ZNF417: variants seen among roughly 807,000 people sequenced by gnomAD.
ZNF417 encodes zinc finger protein 417.
A neutral mutation model predicts 7.4 loss-of-function variants in ZNF417; 5 were observed. That is an observed-to-expected ratio of 0.68 (90% confidence interval 0.35 to 1.43). The LOEUF is 1.43. Among genes scored for constraint, ZNF417 ranks in the 40% most tolerant of loss-of-function variants. ZNF417 has a pLI of 0.04. For synonymous variants in ZNF417, 147 were observed against 239.1 expected, an observed-to-expected ratio of 0.61 and a Z score of 3.55; for missense variants, 437 against 697.3, an observed-to-expected ratio of 0.63 and a Z score of 4.20.
At chr19:57,915,780 G>T in intron 1 of ZNF417, 1 of 411,634 alleles carries the variant, frequency 2.4e-6, no homozygotes. Flanking sequence ...ACCGTTTAGG[G>T]GTCATGCAGC....
intron 2 of ZNF417, among the ~76,000 whole-genome samples, chr19:57,911,060 T>C (rs1353919259): frequency 6.6e-6 from 1 of 151,960 alleles, no homozygotes; most frequent in African/African-American, 2.4e-5. Context: ...AATATAAATA[T>C]AGAAGCATAT....
chr19:57,908,410 A>T lies in ZNF417; in HGVS notation c.*140T>A. 3.4e-6 allele frequency: 5 copies of T among 1,467,420 alleles called. No homozygotes were observed. The highest frequency in any genetic ancestry group is 4.7e-6 in the Non-Finnish European group (5 of 1,073,606). 90.9% of individuals were successfully genotyped at this position (1,467,420 alleles called of 1,614,324 possible). On this transcript the variant is annotated 3_prime_UTR_variant, in exon 3 of 3. Coordinates refer to ENST00000312026, the MANE Select transcript of ZNF417 (RefSeq NM_152475.3). Reference sequence around the variant, plus strand: ...CAGAATGAGACTCCGTTCCAATGCGAAGTCTCTTAAGACCAAGGAGAGCAG... The same window carrying T: ...CAGAATGAGACTCCGTTCCAATGCGTAGTCTCTTAAGACCAAGGAGAGCAG...
At chr19:57,912,672 G>A (rs546462059) in intron 1 of ZNF417, among the ~76,000 whole-genome samples, 1 of 152,212 alleles carries the variant, frequency 6.6e-6, no homozygotes, top group African/African-American at 2.4e-5. Context: ...GCAGTGGCAT[G>A]ATCTTGGCTC....
chr19:57,916,373 A>C lies in ZNF417; in HGVS notation c.33+6T>G. Reference sequence around the variant, plus strand: ...GACCTGAGGGCACAGAAGGCGCCACAATTACCTGAGTCGGGCGCCTCGGCG... The same window carrying C: ...GACCTGAGGGCACAGAAGGCGCCACCATTACCTGAGTCGGGCGCCTCGGCG... On this transcript the variant is annotated splice_donor_region_variant and intron_variant, in intron 1 of 2. Transcript: ENST00000312026. The C allele has an allele frequency of 1.9e-6, 3 of 1,614,198 alleles. No individual in the cohort carries two copies. The highest frequency in any genetic ancestry group is 1.1e-5 in the South Asian group (1 of 91,082).
chr19:57,911,109 G>A (rs1312456540), intron 2 of ZNF417, among the ~76,000 whole-genome samples: 1 of 152,174 alleles, frequency 6.6e-6, no homozygotes, highest in Non-Finnish European at 1.5e-5. Flanking sequence ...ACAGCAGAGG[G>A]TGGTCATGGA....
chr19:57,916,590 A>G lies in ZNF417; in HGVS notation c.-179T>C. ...CCCGCGTCACCGATACACAGCCGCT[A>G]CTAGAGACCCCGGAAGTCTCAGCCT... On this transcript the variant is annotated 5_prime_UTR_variant, in exon 1 of 3. Transcript: ENST00000312026. 6.9e-7 allele frequency: 1 copy of G among 1,459,684 alleles called. No individual in the cohort carries two copies. Among genetic ancestry groups the G allele is most frequent in the Non-Finnish European group, 9.0e-7 (1 of 1,109,590 alleles). The allele number at this position is 1,459,684 out of a possible 1,614,324, so 90.4% of individuals were successfully genotyped here.
chr19:57,907,977 G>A lies in ZNF417; in HGVS notation c.*573C>T, dbSNP rs931667480. 1.9e-5 allele frequency: 3 copies of A among 160,182 alleles called. No homozygotes were observed. Among genetic ancestry groups the A allele is most frequent in the African/African-American group, 7.2e-5 (3 of 41,472 alleles). 9.9% of individuals were successfully genotyped at this position (160,182 alleles called of 1,614,324 possible). On this transcript the variant is annotated 3_prime_UTR_variant, in exon 3 of 3. Transcript: ENST00000312026. ...GAGGACTCGGAGCTCTGAGGTAATT[G>A]GAGCTCATGGCTATCCCAGAACTTG...
At position 57,908,386 on chromosome 19, in the gene ZNF417, A is replaced by G; in HGVS notation, c.*164T>C. The G allele has an allele frequency of 7.5e-7, 1 of 1,338,326 alleles. No homozygotes were observed. Among genetic ancestry groups the G allele is most frequent in the Non-Finnish European group, 1.0e-6 (1 of 972,898 alleles). The allele number at this position is 1,338,326 out of a possible 1,614,324, so 82.9% of individuals were successfully genotyped here. ...ACCACTGCACTCCAGCCTGGGTGAC[A>G]GAATGAGACTCCGTTCCAATGCGAA... On this transcript the variant is annotated 3_prime_UTR_variant, in exon 3 of 3. Transcript: ENST00000312026.
Position 57,908,306 on chromosome 19 carries a change from A to T in ZNF417, c.*244T>A. ...GTAATCTCAGCTCCTTGGGAGGCTGAGGTAGGAGAATCACTTGAACCTGGG... is the reference window on the plus strand; with the variant it reads ...GTAATCTCAGCTCCTTGGGAGGCTGTGGTAGGAGAATCACTTGAACCTGGG... On this transcript the variant is annotated 3_prime_UTR_variant, in exon 3 of 3. Transcript: ENST00000312026. 1.6e-6 allele frequency: 1 copy of T among 609,316 alleles called. No individual in the cohort carries two copies. Among genetic ancestry groups the T allele is most frequent in the Non-Finnish European group, 2.8e-6 (1 of 357,610 alleles). 37.7% of individuals were successfully genotyped at this position (609,316 alleles called of 1,614,324 possible).
At position 57,909,214 on chromosome 19, in the gene ZNF417, CCA is replaced by C. The variant is rs1600147448; in HGVS notation, c.1062_1063del (p.Cys354TrpfsTer15). 6.2e-7 allele frequency: 1 copy of C among 1,613,676 alleles called. No individual in the cohort carries two copies. The highest frequency in any genetic ancestry group is 8.5e-7 in the Non-Finnish European group (1 of 1,179,944). ...CTGACGAAAAGATTTCCCACATTCCCCACAGTGATAAGCTCTCTCTCCAGTGT... is the reference window on the plus strand; with the variant it reads ...CTGACGAAAAGATTTCCCACATTCCCCAGTGATAAGCTCTCTCTCCAGTGT... On this transcript the variant is annotated frameshift_variant, in exon 3 of 3. Transcript: ENST00000312026. LOFTEE classifies it low-confidence loss of function (END_TRUNC).
intron 2 of ZNF417, among the ~76,000 whole-genome samples, chr19:57,910,453 G>A (rs527632502): frequency 6.6e-6 from 1 of 152,218 alleles, no homozygotes; most frequent in South Asian, 2.1e-4. Context: ...GGCTGAGGCA[G>A]GAGAATCATT....
At chr19:57,915,893 G>A (rs1279146859) in intron 1 of ZNF417, among the ~76,000 whole-genome samples, 3 of 152,116 alleles carry the variant, frequency 2.0e-5, no homozygotes, top group African/African-American at 7.2e-5. Context: ...ATCCTGCACT[G>A]GATGGATCAG....
rs562531215 is a variant in ZNF417 at position 57,908,621 on chromosome 19, A to G, written c.1657T>C (p.Cys553Arg). 2 of 1,613,992 alleles carry G rather than the reference A, an allele frequency of 1.2e-6. No homozygotes were observed. Among genetic ancestry groups the G allele is most frequent in the African/African-American group, 2.7e-5 (2 of 74,988 alleles). ...GAGCTTCGCTGAAATGTTTTTCCAC[A>G]TTTGGTACATTCATAAGGCCTTTCT... ...TGERPYECTKCGKTFQRSSTL... is the reference protein window; with the variant it reads ...TGERPYECTKRGKTFQRSSTL... The change falls in exon 3 of 3, where the codon TGT (cysteine) becomes CGT (arginine). Residue 553 changes from cysteine (C) to arginine (R), a missense_variant. Around this residue, in one of 5 missense-constraint regions of ZNF417, gnomAD observed 233 missense variants for 235.5 expected, o/e 0.99. Transcript: ENST00000312026.
rs773966112 is a variant in ZNF417 at position 57,909,139 on chromosome 19, T to C, written c.1139A>G (p.Tyr380Cys). The change falls in exon 3 of 3, where the codon TAC becomes TGC. Residue 380 changes from tyrosine to cysteine, a missense_variant. Physicochemically the swap from Tyr to Cys is radical, Grantham distance 194. Around this residue, in one of 5 missense-constraint regions of ZNF417, gnomAD observed 233 missense variants for 235.5 expected, o/e 0.99. Transcript: ENST00000312026. The stretch of plus-strand genomic sequence containing the variant: ...AGATTTTCCACATTCTCCACACTTG[T>C]AAGGCCTTTCTCCAGTGTGAACACG... ...HQRVHTGERP[Y>C]KCGECGKSFG... is the part of the protein sequence containing the mutation. 6.2e-7 allele frequency: 1 copy of C among 1,614,228 alleles called. No homozygotes were observed. The highest frequency in any genetic ancestry group is 1.7e-5 in the Admixed American group (1 of 60,034).
At chr19:57,911,026 C>G (rs564353390) in intron 2 of ZNF417, among the ~76,000 whole-genome samples, 4 of 152,160 alleles carry the variant, frequency 2.6e-5, no homozygotes, top group African/African-American at 9.7e-5. Context: ...GCTTGGGCAA[C>G]AAGAGCGAAA....
chr19:57,915,604 T>C, intron 1 of ZNF417: 2 of 382,278 alleles, frequency 5.2e-6, no homozygotes, highest in Admixed American at 4.0e-5. Flanking sequence ...TCAGCTGTCC[T>C]TGTTCATTCC....
At chr19:57,915,521 C>T in intron 1 of ZNF417, 1 of 464,068 alleles carries the variant, frequency 2.2e-6, no homozygotes, top group South Asian at 2.0e-5. Context: ...ACCGTCTTTG[C>T]AAAATTATAA....
intron 1 of ZNF417, among the ~76,000 whole-genome samples, chr19:57,913,954 G>T (rs927297616): frequency 1.3e-5 from 2 of 152,116 alleles, no homozygotes; most frequent in Non-Finnish European, 2.9e-5. Flanking sequence ...GATGTCTCCA[G>T]TATCAACACC....
In ZNF417 at chr19:57,916,366, G is replaced by A; in HGVS notation, c.33+13C>T. ...ATGGGGTGACCTGAGGGCACAGAAG[G>A]CGCCACAATTACCTGAGTCGGGCGC... On this transcript the variant is annotated intron_variant, in intron 1 of 2. Coordinates refer to ENST00000312026, the MANE Select transcript of ZNF417 (RefSeq NM_152475.3). 1 of 1,614,170 alleles carries A rather than the reference G, an allele frequency of 6.2e-7. No homozygotes were observed.
Sources: allele counts gnomAD v4.1 joint callset (sites outside exome capture counted in the v4.1 genomes callset), GRCh38; gene constraint gnomAD v4.1.1; regional missense constraint gnomAD v4.1.1; transcripts MANE v1.5; gene names NCBI Gene and HGNC (gene_info 2026-07-23, HGNC 2026-07-21).